Variants in CDH4 observed in about 807,000 individuals in gnomAD.
CDH4 encodes cadherin-4.
In CDH4, 33 loss-of-function variants were observed where a neutral mutation model predicts 86.0. The observed-to-expected ratio is 0.38, with a 90% confidence interval of 0.29 to 0.51. CDH4 has a LOEUF of 0.51. Among genes scored for constraint, CDH4 ranks in the 20% least tolerant of loss-of-function variants. The pLI is 0.86. For missense variants in CDH4, 1,114 were observed against 1,307.4 expected, an observed-to-expected ratio of 0.85 and a Z score of 2.28; for synonymous variants, 555 against 549.4, an observed-to-expected ratio of 1.01 and a Z score of -0.14.
rs531222727 is a variant in CDH4 at position 61,708,616 on chromosome 20, C to T, written c.170-34947C>T. ...TCATGCCCCTTGTAGACCCTCTCCA[C>T]CCTCCTGTGCCTGGAGCCCCTCCCA... On this transcript the variant is annotated intron_variant, in intron 2 of 15. Coordinates refer to ENST00000614565, the MANE Select transcript of CDH4 (RefSeq NM_001794.5). The surrounding 1 kb of genome is among the most constrained non-coding windows in gnomAD (Gnocchi z 4.5). Among the ~76,000 whole-genome samples, 5 of 152,278 alleles carry T rather than the reference C, an allele frequency of 3.3e-5. No homozygotes were observed. The highest frequency in any genetic ancestry group is 6.5e-5 in the Admixed American group (1 of 15,304).
At chr20:61,291,947 T>G (rs2084323728) in intron 2 of CDH4, among the ~76,000 whole-genome samples, 1 of 152,126 alleles carries the variant, frequency 6.6e-6, no homozygotes, top group South Asian at 2.1e-4. Flanking sequence ...TTTCTTTGTG[T>G]TCATCAGTTC....
intron 2 of CDH4, among the ~76,000 whole-genome samples, chr20:61,502,581 A>T (rs1363216350): frequency 1.3e-5 from 2 of 152,154 alleles, no homozygotes; most frequent in South Asian, 2.1e-4. Context: ...TTTGCTCCTG[A>T]GTCATATGTG....
chr20:61,268,500 G>C (rs887140250), intron 2 of CDH4, among the ~76,000 whole-genome samples: 2 of 152,228 alleles, frequency 1.3e-5, no homozygotes, highest in Admixed American at 6.5e-5. Flanking sequence ...CTGTCTTCTT[G>C]TTTTCTTCAG....
At chr20:61,921,674 G>T (rs897538469) in intron 9 of CDH4, among the ~76,000 whole-genome samples, 1 of 150,910 alleles carries the variant, frequency 6.6e-6, no homozygotes, top group Non-Finnish European at 1.5e-5. Flanking sequence ...ATCACTTGAA[G>T]CCAGGAGGCA....
chr20:61,394,409 A>G (rs2085003960), intron 2 of CDH4, among the ~76,000 whole-genome samples: 1 of 152,192 alleles, frequency 6.6e-6, no homozygotes, highest in Admixed American at 6.5e-5. Flanking sequence ...TCGTTTGTAA[A>G]GAAAGTCGGT....
chr20:61,733,612 G>A (rs1156561946), intron 2 of CDH4, among the ~76,000 whole-genome samples: 1 of 152,006 alleles, frequency 6.6e-6, no homozygotes, highest in Admixed American at 6.6e-5. Flanking sequence ...AGGACGGTAC[G>A]TAGGGAGGAA....
intron 2 of CDH4, among the ~76,000 whole-genome samples, chr20:61,712,095 G>T (rs537122187): frequency 6.6e-6 from 1 of 152,304 alleles, no homozygotes; most frequent in East Asian, 1.9e-4. Context: ...AGACATGGTG[G>T]TGCAGGGACG....
At chr20:61,698,805 G>A (rs1401526783) in intron 2 of CDH4, among the ~76,000 whole-genome samples, 1 of 152,240 alleles carries the variant, frequency 6.6e-6, no homozygotes, top group Non-Finnish European at 1.5e-5. Flanking sequence ...CTGCTGGAAG[G>A]AAGGAACCCG....
intron 2 of CDH4, among the ~76,000 whole-genome samples, chr20:61,372,066 G>C (rs915219729): frequency 6.6e-6 from 1 of 152,186 alleles, no homozygotes; most frequent in Non-Finnish European, 1.5e-5. Flanking sequence ...CCATACTTTT[G>C]CTCCACATTT....
intron 2 of CDH4, among the ~76,000 whole-genome samples, chr20:61,565,204 C>CGCGGTGCTCTTGGTGGTGGTGGTG (rs2086266866): frequency 2.0e-5 from 1 of 50,284 alleles, no homozygotes; most frequent in African/African-American, 1.3e-4. Flanking sequence ...TGGTGGTGGT[C>CGCGGTGCTCTTGGTGGTGGTGGTG]GCGGTGCTCT....
chr20:61,364,946 T>C (rs1241689951), intron 2 of CDH4, among the ~76,000 whole-genome samples: 1 of 152,150 alleles, frequency 6.6e-6, no homozygotes, highest in Non-Finnish European at 1.5e-5. Flanking sequence ...GAGCAGCAGC[T>C]TTGTTTTAAG....
chr20:61,285,310 C>T (rs1373843908), intron 2 of CDH4, among the ~76,000 whole-genome samples: 1 of 152,140 alleles, frequency 6.6e-6, no homozygotes, highest in Non-Finnish European at 1.5e-5. Flanking sequence ...GCTGCCTGCT[C>T]TTGACACTGG....
chr20:61,820,730 C>A (rs1980976815), intron 4 of CDH4, among the ~76,000 whole-genome samples: 1 of 152,180 alleles, frequency 6.6e-6, no homozygotes, highest in Non-Finnish European at 1.5e-5. Context: ...CCCTGGGTTA[C>A]TGCATACAGG....
At chr20:61,874,878 G>A (rs1275990039) in intron 7 of CDH4, among the ~76,000 whole-genome samples, 1 of 152,240 alleles carries the variant, frequency 6.6e-6, no homozygotes, top group East Asian at 1.9e-4. Context: ...GCCCGCGGGA[G>A]GCTTGTTTCC....
intron 4 of CDH4, among the ~76,000 whole-genome samples, chr20:61,784,785 A>G (rs1978782564): frequency 6.6e-6 from 1 of 152,094 alleles, no homozygotes; most frequent in African/African-American, 2.4e-5. Flanking sequence ...ACAGTTCTCC[A>G]GGCCCTCAGA....
chr20:61,844,176 C>G lies in CDH4; in HGVS notation c.577-492C>G, dbSNP rs1248895534. 2.6e-5 allele frequency among the ~76,000 whole-genome samples: 4 copies of G among 152,168 alleles called. No individual in the cohort carries two copies. The East Asian group carries it at 7.7e-4, about 29-fold the overall frequency. On this transcript the variant is annotated intron_variant, in intron 4 of 15. Transcript: ENST00000614565. The stretch of plus-strand genomic sequence containing the variant: ...TGCCTGTGTCTTTCCATTTCCTCCC[C>G]CAGTTAGCAGCCTTTTCTAGCTTAC...
chr20:61,718,628 G>A (rs2087992556), intron 2 of CDH4: 1 of 374,142 alleles, frequency 2.7e-6, no homozygotes, highest in African/African-American at 2.1e-5. Flanking sequence ...GGTGTCCTAA[G>A]GTGAACAGAA....
intron 15 of CDH4, 106 bp downstream of exon 15, chr20:61,934,326 G>A (rs568698616): frequency 5.9e-5 from 76 of 1,288,838 alleles, no homozygotes; most frequent in Admixed American, 5.2e-4. Context: ...CGGCTGCCGT[G>A]GGTGGGAGGC....
intron 2 of CDH4, among the ~76,000 whole-genome samples, chr20:61,460,981 G>A (rs964349321): frequency 3.6e-4 from 54 of 152,100 alleles, no homozygotes; most frequent in Admixed American, 7.9e-4. Context: ...CTGCCCTGTC[G>A]ACAGTATCCT....
Sources: allele counts gnomAD v4.1 joint callset (sites outside exome capture counted in the v4.1 genomes callset), GRCh38; gene constraint gnomAD v4.1.1; non-coding constraint Gnocchi (gnomAD v3.1); transcripts MANE v1.5; gene names NCBI Gene and HGNC (gene_info 2026-07-23, HGNC 2026-07-21).